UNC79: variants seen among roughly 807,000 people sequenced by gnomAD.
UNC79 encodes the protein protein unc-79 homolog.
UNC79 carries 37 observed loss-of-function variants against 283.1 expected under a neutral mutation model. The observed-to-expected ratio is 0.13, with a 90% CI of 0.10 to 0.17. The LOEUF is 0.17. Among genes scored for constraint, UNC79 ranks in the 10% least tolerant of loss-of-function variants. UNC79 has a pLI of 1.00. For missense variants in UNC79, 2,272 were observed against 3,211.1 expected, an observed-to-expected ratio of 0.71 and a Z score of 7.07; for synonymous variants, 1,107 against 1,200.2, an observed-to-expected ratio of 0.92 and a Z score of 1.61.
At chr14:93,493,884 TA>T (rs2058862565) in intron 5 of UNC79, among the ~76,000 whole-genome samples, 2 of 70,174 alleles carry the variant, frequency 2.9e-5, no homozygotes, top group African/African-American at 5.6e-5. Context: ...CATATATATA[TA>T]TATATATATA....
intron 7 of UNC79, among the ~76,000 whole-genome samples, chr14:93,519,942 A>G (rs868537282): frequency 9.9e-5 from 15 of 151,858 alleles, no homozygotes; most frequent in Non-Finnish European, 1.6e-4. Context: ...ACAACATATT[A>G]ATATGAGTAA....
chr14:93,696,843 C>T (rs2075166339), intron 47 of UNC79, among the ~76,000 whole-genome samples: 1 of 151,850 alleles, frequency 6.6e-6, no homozygotes, highest in Admixed American at 6.6e-5. Flanking sequence ...TTTGCCTAGC[C>T]CAAAAATAAT....
chr14:93,371,697 C>T (rs376453589), intron 1 of UNC79, among the ~76,000 whole-genome samples: 9 of 151,864 alleles, frequency 5.9e-5, no homozygotes, highest in East Asian at 3.9e-4. Flanking sequence ...AAAAATTAGC[C>T]GGGCGTGGTG....
chr14:93,345,813 A>AATACCCTAT (rs2053814442), intron 1 of UNC79, among the ~76,000 whole-genome samples: 1 of 152,068 alleles, frequency 6.6e-6, no homozygotes, highest in African/African-American at 2.4e-5. Flanking sequence ...GGTCTTACCC[A>AATACCCTAT]CTGCTAATCC....
intron 1 of UNC79, among the ~76,000 whole-genome samples, chr14:93,372,249 A>G (rs1203239241): frequency 6.6e-6 from 1 of 152,242 alleles, no homozygotes; most frequent in African/African-American, 2.4e-5. Context: ...TCATATGTGT[A>G]TAAGTATATA....
intron 1 of UNC79, among the ~76,000 whole-genome samples, chr14:93,442,673 A>C (rs1029813000): frequency 6.6e-6 from 1 of 152,170 alleles, no homozygotes; most frequent in Non-Finnish European, 1.5e-5. Flanking sequence ...ACGTCATTTT[A>C]TCCTCTTTTT....
At chr14:93,673,240 A>C in intron 40 of UNC79, 111 bp from the exon 44 acceptor site, 1 of 893,482 alleles carries the variant, frequency 1.1e-6, no homozygotes, top group African/African-American at 1.7e-5. Flanking sequence ...TGCATTTTTG[A>C]ATACTGTTTT....
intron 1 of UNC79, among the ~76,000 whole-genome samples, chr14:93,384,368 T>C (rs750366654): frequency 1.3e-4 from 20 of 152,206 alleles, no homozygotes; most frequent in Non-Finnish European, 2.8e-4. Context: ...TTTGTTATTG[T>C]CTAACTTTTG....
chr14:93,680,427 G>A (rs1053206976), intron 41 of UNC79, among the ~76,000 whole-genome samples: 1 of 152,072 alleles, frequency 6.6e-6, no homozygotes, highest in Admixed American at 6.5e-5. Context: ...CCCTTACCTC[G>A]CATAGTAGAT....
chr14:93,598,963 T>A (rs2065290914), intron 24 of UNC79, among the ~76,000 whole-genome samples: 1 of 152,200 alleles, frequency 6.6e-6, no homozygotes, highest in African/African-American at 2.4e-5. Flanking sequence ...GAACCTTTAT[T>A]TTTTAGTGGA....
chr14:93,353,867 A>G (rs1434143791), intron 1 of UNC79, among the ~76,000 whole-genome samples: 3 of 152,228 alleles, frequency 2.0e-5, no homozygotes, highest in Non-Finnish European at 4.4e-5. Context: ...ATAGACAAAC[A>G]TGTAACCTTA....
At chr14:93,615,689 C>G (rs2066651740) in intron 27 of UNC79, among the ~76,000 whole-genome samples, 1 of 126,832 alleles carries the variant, frequency 7.9e-6, no homozygotes, top group African/African-American at 3.2e-5. Context: ...CCACTAAACT[C>G]CAGCCTGGGT....
At chr14:93,557,957 C>T (rs895417406) in intron 14 of UNC79, among the ~76,000 whole-genome samples, 3 of 152,204 alleles carry the variant, frequency 2.0e-5, no homozygotes, top group African/African-American at 7.2e-5. Flanking sequence ...AAAATTTCCA[C>T]CCTGTGGATG....
At chr14:93,693,970 T>G (rs1485499362) in intron 46 of UNC79, among the ~76,000 whole-genome samples, 1 of 152,134 alleles carries the variant, frequency 6.6e-6, no homozygotes, top group African/African-American at 2.4e-5. Context: ...TCAAACAGAC[T>G]AGCGTGATAC....
At chr14:93,643,454 G>A in intron 33 of UNC79, 103 bp from the exon 37 acceptor site, 2 of 1,561,314 alleles carry the variant, frequency 1.3e-6, no homozygotes, top group Non-Finnish European at 1.8e-6. Flanking sequence ...TCCTTTTGGA[G>A]ACTTTTCCAA....
chr14:93,607,078 T>C (rs1226232776), intron 26 of UNC79, among the ~76,000 whole-genome samples: 1 of 152,204 alleles, frequency 6.6e-6, no homozygotes, highest in East Asian at 1.9e-4. Flanking sequence ...CACAATCTTT[T>C]TAACTGCTAC....
At chr14:93,694,038 A>G (rs1158708493) in intron 46 of UNC79, among the ~76,000 whole-genome samples, 2 of 152,218 alleles carry the variant, frequency 1.3e-5, no homozygotes, top group Non-Finnish European at 2.9e-5. Flanking sequence ...GAGGCCATTT[A>G]TCCCCTGGTG....
intron 2 of UNC79, among the ~76,000 whole-genome samples, chr14:93,468,147 G>A (rs1306127522): frequency 2.6e-5 from 4 of 152,148 alleles, no homozygotes; most frequent in Admixed American, 2.6e-4. Context: ...AAGCAATTCA[G>A]AATTATGTGG....
At position 93,470,617 on chromosome 14, in the gene UNC79, G is replaced by A. The variant is rs187607243; in HGVS notation, c.143+2826G>A. 2.8e-3 allele frequency among the ~76,000 whole-genome samples: 419 copies of A among 152,288 alleles called. 12 individuals are homozygous for A. The highest frequency in any genetic ancestry group is 0.023 in the Admixed American group (357 of 15,286). ...GACTTTAGTCCAAATTTCATCCAGC[G>A]TTGGAATCCTTCTAGTTAATGCTAT... is the stretch of plus-strand genomic sequence containing the variant. On this transcript the variant is annotated intron_variant, in intron 2 of 48. Transcript: ENST00000555664.
Sources: gnomAD v4.1 joint callset for allele counts (sites outside exome capture counted in the v4.1 genomes callset) on GRCh38, gnomAD v4.1.1 for gene constraint, MANE v1.5 for transcripts, NCBI Gene and HGNC (gene_info 2026-07-23, HGNC 2026-07-21) for gene names.